ANTXR2: variants seen among roughly 807,000 people sequenced by gnomAD.
ANTXR2 encodes the protein anthrax toxin receptor 2.
Under a neutral mutation model 73.7 loss-of-function variants are expected in ANTXR2, and 44 were observed. The observed-to-expected ratio is 0.60, with a 90% CI of 0.47 to 0.77. The LOEUF is 0.77. ANTXR2 is among the 30% of genes least tolerant of loss of function. The pLI is 0.00. For synonymous variants in ANTXR2, 217 were observed against 205.9 expected (o/e 1.05, Z -0.46); for missense variants, 604 against 592.5 (o/e 1.02, Z -0.20).
At chr4:80,069,058 T>A (rs547153101) in intron 3 of ANTXR2, among the ~76,000 whole-genome samples, 3 of 152,166 alleles carry the variant, frequency 2.0e-5, no homozygotes. Context: ...TAGGAAATTA[T>A]CCAAAAGGAT....
chr4:80,019,096 AACTC>A (rs1465144341), intron 10 of ANTXR2, 120 bp from the exon 11 acceptor site: 3 of 647,662 alleles, frequency 4.6e-6, no homozygotes, highest in Non-Finnish European at 7.3e-6. Flanking sequence ...AAGGGTCTCA[AACTC>A]CTGACCTCAG....
At chr4:80,001,520 A>T (rs1480470120) in intron 12 of ANTXR2, among the ~76,000 whole-genome samples, 1 of 151,760 alleles carries the variant, frequency 6.6e-6, no homozygotes, top group Non-Finnish European at 1.5e-5. Context: ...AAAAATGTAT[A>T]TTCTGTTGAT....
intron 7 of ANTXR2, among the ~76,000 whole-genome samples, chr4:80,045,698 G>A (rs989882293): frequency 2.0e-5 from 3 of 151,554 alleles, no homozygotes; most frequent in Admixed American, 6.6e-5. Context: ...AGTTTTAAAG[G>A]TCTAACAAAA....
At chr4:79,911,799 T>G (rs1418493201) in intron 16 of ANTXR2, among the ~76,000 whole-genome samples, 1 of 151,966 alleles carries the variant, frequency 6.6e-6, no homozygotes, top group Non-Finnish European at 1.5e-5. Context: ...CTAAATAACT[T>G]TTTTGATTTA....
chr4:79,990,869 C>T (rs1401487789), intron 12 of ANTXR2, among the ~76,000 whole-genome samples: 1 of 152,082 alleles, frequency 6.6e-6, no homozygotes, highest in Non-Finnish European at 1.5e-5. Flanking sequence ...AAAGGACTCC[C>T]TATTCAGTAA....
intron 16 of ANTXR2, among the ~76,000 whole-genome samples, chr4:79,924,422 T>C (rs1365045288): frequency 2.0e-5 from 3 of 151,936 alleles, no homozygotes; most frequent in Non-Finnish European, 4.4e-5. Flanking sequence ...AACCAGAAGT[T>C]TGAGGCTGCA....
At chr4:79,924,480 A>C (rs1197175580) in intron 16 of ANTXR2, among the ~76,000 whole-genome samples, 1 of 152,050 alleles carries the variant, frequency 6.6e-6, no homozygotes, top group East Asian at 1.9e-4. Flanking sequence ...GATAGAGCAA[A>C]ACCCTGTGTC....
intron 11 of ANTXR2, among the ~76,000 whole-genome samples, chr4:80,013,469 G>A (rs1731694000): frequency 6.6e-6 from 1 of 152,184 alleles, no homozygotes; most frequent in Non-Finnish European, 1.5e-5. Context: ...AGCATACAGA[G>A]GAGCTTCTTT....
At chr4:80,009,055 A>C (rs1731444534) in intron 11 of ANTXR2, among the ~76,000 whole-genome samples, 1 of 152,140 alleles carries the variant, frequency 6.6e-6, no homozygotes, top group Non-Finnish European at 1.5e-5. Flanking sequence ...GATGAATATT[A>C]AAAAAAATTA....
In ANTXR2 at chr4:79,902,495, G is replaced by A. The variant is rs1332754174; in HGVS notation, c.*4934C>T. 4 of 152,078 alleles carry A rather than the reference G, an allele frequency of 2.6e-5. No individual in the cohort carries two copies. The highest frequency in any genetic ancestry group is 5.9e-5 in the Non-Finnish European group (4 of 68,014). The allele number at this position is 152,078 out of a possible 1,614,324, so 9.4% of individuals were successfully genotyped here. ...AGTATCCCAATTATTAAAACTGGGA[G>A]CATAAATATCTCCTAACAATCTCTG... On this transcript the variant is annotated 3_prime_UTR_variant, in exon 17 of 17. Transcript: ENST00000403729.
chr4:80,054,239 A>G (rs1733885434), intron 7 of ANTXR2, 33 bp downstream of exon 7: 1 of 1,510,204 alleles, frequency 6.6e-7, no homozygotes, highest in Non-Finnish European at 9.1e-7. Flanking sequence ...ATACAAGGTT[A>G]TGAGCCCTTC....
intron 7 of ANTXR2, among the ~76,000 whole-genome samples, chr4:80,051,957 T>C (rs1220410162): frequency 6.6e-6 from 1 of 151,398 alleles, no homozygotes; most frequent in African/African-American, 2.4e-5. Flanking sequence ...AACAAAACAA[T>C]AAAAACCATG....
intron 16 of ANTXR2, among the ~76,000 whole-genome samples, chr4:79,926,984 CAT>C (rs1396842215): frequency 3.2e-5 from 3 of 93,154 alleles, no homozygotes; most frequent in African/African-American, 1.7e-4. Context: ...TATACGTGTG[CAT>C]ATATGTGTAT....
At chr4:80,033,110 T>A (rs1732777267) in intron 9 of ANTXR2, among the ~76,000 whole-genome samples, 1 of 151,920 alleles carries the variant, frequency 6.6e-6, no homozygotes, top group African/African-American at 2.4e-5. Flanking sequence ...AATTAAATCA[T>A]GTGTTTGATG....
chr4:79,981,863 C>T (rs1315717387), intron 14 of ANTXR2, among the ~76,000 whole-genome samples: 5 of 152,208 alleles, frequency 3.3e-5, no homozygotes, highest in Admixed American at 2.0e-4. Flanking sequence ...TGCGGTTTTT[C>T]GTCACAAATT....
intron 16 of ANTXR2, among the ~76,000 whole-genome samples, chr4:79,974,612 T>A (rs1285848313): frequency 6.6e-6 from 1 of 151,790 alleles, no homozygotes; most frequent in Non-Finnish European, 1.5e-5. Flanking sequence ...TAGAAAAATG[T>A]CTGAATAATA....
intron 11 of ANTXR2, among the ~76,000 whole-genome samples, chr4:80,009,848 A>G (rs187514002): frequency 2.2e-4 from 32 of 145,620 alleles, no homozygotes; most frequent in African/African-American, 7.1e-4. Flanking sequence ...CTCCATCTCA[A>G]AAAAAAAAAA....
At chr4:79,987,806 G>T (rs1000549695) in intron 12 of ANTXR2, among the ~76,000 whole-genome samples, 1 of 152,144 alleles carries the variant, frequency 6.6e-6, no homozygotes, top group Non-Finnish European at 1.5e-5. Flanking sequence ...GAGATTGGCG[G>T]CCTATATTCT....
chr4:80,034,851 C>T (rs555749168), intron 8 of ANTXR2, among the ~76,000 whole-genome samples: 1 of 152,178 alleles, frequency 6.6e-6, no homozygotes, highest in Non-Finnish European at 1.5e-5. Context: ...ACTGCCAACC[C>T]ACTTTTCATT....
Sources: gnomAD v4.1 joint callset for allele counts (sites outside exome capture counted in the v4.1 genomes callset) on GRCh38, gnomAD v4.1.1 for gene constraint, MANE v1.5 for transcripts, NCBI Gene and HGNC (gene_info 2026-07-23, HGNC 2026-07-21) for gene names.